The following KHDRBS3 variants were observed in gnomAD, a reference collection of about 807,000 sequenced individuals.
KHDRBS3 encodes the protein KH domain-containing, RNA-binding, signal transduction-associated protein 3.
Under a neutral mutation model 45.6 loss-of-function variants are expected in KHDRBS3, and 23 were observed. The observed-to-expected ratio is 0.50, with a 90% CI of 0.36 to 0.72. The LOEUF is 0.72. Ranked by LOEUF, KHDRBS3 falls within the 30% of genes least tolerant of loss-of-function variation. KHDRBS3 has a pLI of 0.00. For synonymous variants in KHDRBS3, 162 were observed against 156.5 expected (o/e 1.04, Z -0.26); for missense variants, 352 against 424.8 (o/e 0.83, Z 1.51).
chr8:135,550,154 G>A (rs1826514203), intron 4 of KHDRBS3, among the ~76,000 whole-genome samples: 1 of 152,134 alleles, frequency 6.6e-6, no homozygotes, highest in African/African-American at 2.4e-5. Flanking sequence ...TGGTGATCAT[G>A]CAGTGTGGAC....
intron 1 of KHDRBS3, among the ~76,000 whole-genome samples, chr8:135,462,687 G>A (rs139484177): frequency 1.0e-3 from 155 of 152,272 alleles, no homozygotes; most frequent in African/African-American, 3.7e-3. Context: ...TATTAGCCTA[G>A]TTTTTCAGTT....
At chr8:135,563,821 T>G (rs1317717101) in intron 5 of KHDRBS3, among the ~76,000 whole-genome samples, 1 of 152,212 alleles carries the variant, frequency 6.6e-6, no homozygotes, top group Non-Finnish European at 1.5e-5. Flanking sequence ...CGGTGGCTTC[T>G]GTGCTGCTTT....
intron 1 of KHDRBS3, among the ~76,000 whole-genome samples, chr8:135,515,173 T>C (rs1195472543): frequency 1.3e-5 from 2 of 151,780 alleles, no homozygotes; most frequent in African/African-American, 4.8e-5. Context: ...GAGACCATCC[T>C]GGCTAACACG....
chr8:135,585,711 A>T (rs1828439838), intron 6 of KHDRBS3, among the ~76,000 whole-genome samples: 1 of 152,198 alleles, frequency 6.6e-6, no homozygotes, highest in Non-Finnish European at 1.5e-5. Flanking sequence ...ATGTAGAACA[A>T]TCATAATATG....
chr8:135,507,969 G>A (rs1430397791), intron 1 of KHDRBS3, among the ~76,000 whole-genome samples: 1 of 151,926 alleles, frequency 6.6e-6, no homozygotes, highest in Non-Finnish European at 1.5e-5. Flanking sequence ...GTTTTCAGTT[G>A]GCTTAGAAAA....
chr8:135,540,939 G>T (rs989977292), intron 2 of KHDRBS3: 3 of 152,174 alleles, frequency 2.0e-5, no homozygotes, highest in Admixed American at 6.5e-5. Context: ...ATGGGGAAGG[G>T]GAGACTCTTG....
At chr8:135,485,884 G>A (rs1822839354) in intron 1 of KHDRBS3, among the ~76,000 whole-genome samples, 1 of 120,866 alleles carries the variant, frequency 8.3e-6, no homozygotes, top group Non-Finnish European at 1.7e-5. Flanking sequence ...TTTTTCTAGA[G>A]CCTCAAAATA....
intron 5 of KHDRBS3, among the ~76,000 whole-genome samples, chr8:135,561,090 G>A (rs1827145396): frequency 6.6e-6 from 1 of 152,114 alleles, no homozygotes; most frequent in African/African-American, 2.4e-5. Context: ...TTAGTCTACT[G>A]ATTATTTTGC....
At chr8:135,628,504 C>A (rs1563816909) in intron 7 of KHDRBS3, among the ~76,000 whole-genome samples, 1 of 152,098 alleles carries the variant, frequency 6.6e-6, no homozygotes, top group South Asian at 2.1e-4. Context: ...AGCTTTATTG[C>A]AACTTTATTT....
intron 7 of KHDRBS3, among the ~76,000 whole-genome samples, chr8:135,643,834 A>C (rs1413194989): frequency 6.6e-6 from 1 of 152,184 alleles, no homozygotes; most frequent in Non-Finnish European, 1.5e-5. Flanking sequence ...TGGGTATGGC[A>C]GTTTTACTAT....
chr8:135,492,019 T>C (rs1419555277), intron 1 of KHDRBS3, among the ~76,000 whole-genome samples: 1 of 152,060 alleles, frequency 6.6e-6, no homozygotes, highest in East Asian at 1.9e-4. Flanking sequence ...TGTTGTTCTT[T>C]GAGTACCTTT....
In KHDRBS3 at chr8:135,638,279, T is replaced by C. The variant is rs866695142; in HGVS notation, c.891-6780T>C. ...GGATCCCAGAGTAAAGCTGTAACAA[T>C]GCGAGGCCAAACCTCGGGTAGTCCC... is the stretch of plus-strand genomic sequence containing the variant. On this transcript the variant is annotated intron_variant, in intron 7 of 8. Coordinates refer to ENST00000355849, the MANE Select transcript of KHDRBS3 (RefSeq NM_006558.3). Among the ~76,000 whole-genome samples the C allele has an allele frequency of 2.6e-5, 4 of 152,270 alleles. No homozygotes were observed. In the South Asian group the frequency reaches 8.3e-4, roughly 32 times the overall value.
chr8:135,620,099 G>T lies in KHDRBS3; in HGVS notation c.890+13062G>T, dbSNP rs142950566. Reference sequence around the variant, plus strand: ...TTTTTTTTTTTTTAATTGAGACAGGGTATCAATCTGTCGCCCAGGCTGGTA... The same window carrying T: ...TTTTTTTTTTTTTAATTGAGACAGGTTATCAATCTGTCGCCCAGGCTGGTA... On this transcript the variant is annotated intron_variant, in intron 7 of 8. Transcript: ENST00000355849. Among the ~76,000 whole-genome samples the T allele has an allele frequency of 7.4e-5, 11 of 149,488 alleles. No homozygotes were observed. The East Asian group carries it at 2.0e-3, about 27-fold the overall frequency.
Position 135,572,687 on chromosome 8 carries a change from A to C in KHDRBS3, c.612-9191A>C, listed in dbSNP as rs188940408. ...AGGTCCTCAGGCGATGTGGATGCGC[A>C]TGAACGCATGAGATGCGCTGCCCTA... On this transcript the variant is annotated intron_variant, in intron 5 of 8. Coordinates refer to ENST00000355849, the MANE Select transcript of KHDRBS3 (RefSeq NM_006558.3). 3.3e-5 allele frequency among the ~76,000 whole-genome samples: 5 copies of C among 152,366 alleles called. No individual in the cohort carries two copies. The East Asian group carries it at 9.7e-4, about 29-fold the overall frequency.
At chr8:135,502,474 G>T (rs540138507) in intron 1 of KHDRBS3, among the ~76,000 whole-genome samples, 116 of 152,134 alleles carry the variant, frequency 7.6e-4, no homozygotes, top group Non-Finnish European at 1.0e-3. Flanking sequence ...TTGATTTTTT[G>T]ACCTAGAAGT....
intron 7 of KHDRBS3, among the ~76,000 whole-genome samples, chr8:135,619,461 T>A (rs1181961001): frequency 6.6e-6 from 1 of 152,102 alleles, no homozygotes; most frequent in East Asian, 1.9e-4. Context: ...GTAATATAAT[T>A]AAAACAGTGT....
chr8:135,486,713 A>G (rs138090799), intron 1 of KHDRBS3, among the ~76,000 whole-genome samples: 2 of 152,312 alleles, frequency 1.3e-5, no homozygotes, highest in Non-Finnish European at 2.9e-5. Flanking sequence ...TTTGTCTCCC[A>G]GATGTTTTCA....
chr8:135,645,050 C>A lies in KHDRBS3; in HGVS notation c.891-9C>A. The A allele has an allele frequency of 6.2e-7, 1 of 1,612,408 alleles. No individual in the cohort carries two copies. The highest frequency in any genetic ancestry group is 8.5e-7 in the Non-Finnish European group (1 of 1,179,716). ...ATTTTGTCCTTTGTTTTGTTTTGATCACTTGCAGTGGTGCTGATTACTATG... is the reference window on the plus strand; with the variant it reads ...ATTTTGTCCTTTGTTTTGTTTTGATAACTTGCAGTGGTGCTGATTACTATG... On this transcript the variant is annotated splice_polypyrimidine_tract_variant and intron_variant, in intron 7 of 8. Coordinates refer to ENST00000355849, the MANE Select transcript of KHDRBS3 (RefSeq NM_006558.3).
Position 135,532,913 on chromosome 8 carries a change from G to A in KHDRBS3, c.208-9741G>A, listed in dbSNP as rs534409846. Among the ~76,000 whole-genome samples the A allele has an allele frequency of 5.5e-4, 83 of 152,270 alleles. 2 individuals are homozygous for A. The South Asian group carries it at 0.017, about 31-fold the overall frequency. ...CAGTGCAGGTCTCACAAAGGTATTA[G>A]TATTAGATAAACAATGTAAATTTAT... On this transcript the variant is annotated intron_variant, in intron 2 of 8. Coordinates refer to ENST00000355849, the MANE Select transcript of KHDRBS3 (RefSeq NM_006558.3).
Sources: allele counts gnomAD v4.1 joint callset (sites outside exome capture counted in the v4.1 genomes callset), GRCh38; gene constraint gnomAD v4.1.1; transcripts MANE v1.5; gene names NCBI Gene and HGNC (gene_info 2026-07-23, HGNC 2026-07-21).